Variants in HAPLN1 observed in about 807,000 individuals in gnomAD.
HAPLN1 encodes Cartilage link protein.
A neutral mutation model predicts 36.5 loss-of-function variants in HAPLN1; 13 were observed. The ratio of observed to expected loss-of-function variants is 0.36; its 90% CI spans 0.23 to 0.57. HAPLN1 has a LOEUF of 0.57. Among genes scored for constraint, HAPLN1 ranks in the 20% least tolerant of loss-of-function variants. The pLI is 0.83. For missense variants in HAPLN1, 407 were observed against 439.7 expected, an observed-to-expected ratio of 0.93 and a Z score of 0.66; for synonymous variants, 202 against 169.8, an observed-to-expected ratio of 1.19 and a Z score of -1.48.
chr5:83,708,775 G>C (rs376729407), intron 1 of HAPLN1, among the ~76,000 whole-genome samples: 14 of 152,148 alleles, frequency 9.2e-5, no homozygotes, highest in African/African-American at 3.4e-4. Flanking sequence ...TCTTCCTTCT[G>C]CTACATTAAA....
At chr5:83,698,891 A>G (rs948022185) in intron 1 of HAPLN1, among the ~76,000 whole-genome samples, 1 of 152,198 alleles carries the variant, frequency 6.6e-6, no homozygotes, top group African/African-American at 2.4e-5. Context: ...GGTTTCTCCA[A>G]AATTTTTCGA....
At chr5:83,685,264 C>A (rs1368557703) in intron 1 of HAPLN1, among the ~76,000 whole-genome samples, 1 of 152,192 alleles carries the variant, frequency 6.6e-6, no homozygotes, top group African/African-American at 2.4e-5. Flanking sequence ...ATGTTTACTA[C>A]TATGTCCTCT....
rs1423472599 is a variant in HAPLN1 at position 83,681,120 on chromosome 5, A to G, written c.-26-7571T>C. On this transcript the variant is annotated intron_variant, in intron 1 of 4. Transcript: ENST00000274341. ...ATAACAAAGCATTGTATTAAATAAT[A>G]TAAAATTAGACCTTTAAAATATTTT... Among the ~76,000 whole-genome samples the G allele has an allele frequency of 3.3e-5, 5 of 152,318 alleles. No individual in the cohort carries two copies. The South Asian group carries it at 8.3e-4, about 25-fold the overall frequency.
rs115882822 is a variant in HAPLN1 at position 83,716,282 on chromosome 5, C to G, written c.-27+4507G>C. Reference sequence around the variant, plus strand: ...AGTAACCAGTAGAGTAAATTGTGTTCTTTTTGGATGTTAGATTGGGCAGAA... The same window carrying G: ...AGTAACCAGTAGAGTAAATTGTGTTGTTTTTGGATGTTAGATTGGGCAGAA... On this transcript the variant is annotated intron_variant, in intron 1 of 4. Transcript: ENST00000274341. 7.6e-3 allele frequency among the ~76,000 whole-genome samples: 1,151 copies of G among 152,190 alleles called. 6 individuals are homozygous for G. Among genetic ancestry groups the G allele is most frequent in the Admixed American group, 0.012 (181 of 15,282 alleles).
intron 2 of HAPLN1, among the ~76,000 whole-genome samples, chr5:83,671,652 A>T (rs2112596323): frequency 6.6e-6 from 1 of 152,286 alleles, no homozygotes; most frequent in East Asian, 1.9e-4. Context: ...ATGCTATCAC[A>T]AAAAAATTGT....
chr5:83,645,453 A>G (rs369015794), intron 3 of HAPLN1, among the ~76,000 whole-genome samples: 1 of 66,864 alleles, frequency 1.5e-5, no homozygotes, highest in Non-Finnish European at 3.0e-5. Flanking sequence ...ATTTTTTGTG[A>G]TTTTCTTTTT....
chr5:83,643,081 T>C (rs1490439002), intron 4 of HAPLN1, among the ~76,000 whole-genome samples: 2 of 152,054 alleles, frequency 1.3e-5, no homozygotes, highest in Non-Finnish European at 1.5e-5. Context: ...CCCAGCACTT[T>C]AGGAGGCTGA....
chr5:83,709,009 G>A (rs1339886719), intron 1 of HAPLN1, among the ~76,000 whole-genome samples: 1 of 152,130 alleles, frequency 6.6e-6, no homozygotes, highest in Non-Finnish European at 1.5e-5. Context: ...CCGAGTAGCT[G>A]GGACTACAGG....
intron 1 of HAPLN1, among the ~76,000 whole-genome samples, chr5:83,687,674 A>C (rs1390958434): frequency 6.6e-6 from 1 of 152,242 alleles, no homozygotes; most frequent in Non-Finnish European, 1.5e-5. Context: ...TCTCCAGCAC[A>C]TATGCTGAAA....
chr5:83,701,227 C>A (rs1016999177), intron 1 of HAPLN1, among the ~76,000 whole-genome samples: 7 of 152,200 alleles, frequency 4.6e-5, no homozygotes, highest in African/African-American at 1.4e-4. Context: ...TAATGCTTTG[C>A]ATTTAGAAAT....
intron 1 of HAPLN1, among the ~76,000 whole-genome samples, chr5:83,689,340 A>G (rs1751215306): frequency 6.6e-6 from 1 of 152,128 alleles, no homozygotes; most frequent in African/African-American, 2.4e-5. Flanking sequence ...TGAAAATCAG[A>G]GTTATGAACA....
chr5:83,670,822 G>A (rs1308747547), intron 2 of HAPLN1, among the ~76,000 whole-genome samples: 2 of 152,014 alleles, frequency 1.3e-5, no homozygotes, highest in Non-Finnish European at 2.9e-5. Flanking sequence ...AGCCTCCTGA[G>A]TAGCTGGGAT....
chr5:83,714,791 A>G (rs1292380175), intron 1 of HAPLN1, among the ~76,000 whole-genome samples: 1 of 152,262 alleles, frequency 6.6e-6, no homozygotes, highest in Non-Finnish European at 1.5e-5. Flanking sequence ...GTAGAACTTA[A>G]GAAGCTATGG....
At chr5:83,658,774 C>A (rs559026929) in intron 2 of HAPLN1, among the ~76,000 whole-genome samples, 11 of 152,260 alleles carry the variant, frequency 7.2e-5, no homozygotes, top group Admixed American at 7.2e-4. Flanking sequence ...TGCCCACCCC[C>A]ATCCATGCTA....
intron 1 of HAPLN1, among the ~76,000 whole-genome samples, chr5:83,676,884 A>G (rs1344177057): frequency 1.3e-5 from 2 of 152,206 alleles, no homozygotes; most frequent in Non-Finnish European, 2.9e-5. Context: ...TGAAATGTCT[A>G]TGTTCATAGT....
chr5:83,700,071 G>A (rs1751471422), intron 1 of HAPLN1, among the ~76,000 whole-genome samples: 1 of 151,754 alleles, frequency 6.6e-6, no homozygotes, highest in African/African-American at 2.4e-5. Flanking sequence ...GCTCATGCCT[G>A]TAGTCCCAGT....
rs565700341 is a variant in HAPLN1, at chr5:83,652,505, C to T, written c.420G>A (p.Glu140=). ...TLEDYGRYKC[E]VIEGLEDDTV... is the part of the protein sequence containing the mutation. ...TATCATCTTCTAATCCTTCAATCAC[C>T]TCACACTTATATCTCCCATAATCTT... Residue 140 remains glutamate, a synonymous_variant, in exon 3 of 5, where the codon GAG becomes GAA. Coordinates refer to ENST00000274341, the MANE Select transcript of HAPLN1 (RefSeq NM_001884.4). 3 of 1,614,150 alleles carry T rather than the reference C, an allele frequency of 1.9e-6. No homozygotes were observed. In the South Asian group the frequency reaches 3.3e-5, roughly 18 times the overall value.
chr5:83,665,280 T>C (rs746253758), intron 2 of HAPLN1, among the ~76,000 whole-genome samples: 1 of 152,198 alleles, frequency 6.6e-6, no homozygotes, highest in African/African-American at 2.4e-5. Flanking sequence ...TGAACAAATA[T>C]AGTCATCTAG....
chr5:83,641,873 A>C, intron 4 of HAPLN1, 88 bp from the exon 5 acceptor site: 52 of 1,323,916 alleles, frequency 3.9e-5, no homozygotes, highest in Non-Finnish European at 5.0e-5. Flanking sequence ...AGTGTTTCTC[A>C]ATGAAGGGGG....
Sources: allele counts gnomAD v4.1 joint callset (sites outside exome capture counted in the v4.1 genomes callset), GRCh38; gene constraint gnomAD v4.1.1; transcripts MANE v1.5; gene names NCBI Gene and HGNC (gene_info 2026-07-23, HGNC 2026-07-21).